Variants in SCRG1 observed in about 807,000 individuals in gnomAD.
The protein encoded by SCRG1 is stimulator of chondrogenesis 1.
Under a neutral mutation model 7.7 loss-of-function variants are expected in SCRG1, and 3 were observed. That is an observed-to-expected ratio of 0.39 (90% CI 0.18 to 1.01). SCRG1 has a LOEUF of 1.01. Ranked by LOEUF, SCRG1 falls within the 50% of genes least tolerant of loss-of-function variation. The probability of loss-of-function intolerance (pLI) is 0.36; values close to 1 mark genes in which losing one functional copy is unlikely to be tolerated. For missense variants in SCRG1, 110 were observed against 117.2 expected, an observed-to-expected ratio of 0.94 and a Z score of 0.28; for synonymous variants, 46 against 41.2, an observed-to-expected ratio of 1.12 and a Z score of -0.44.
At chr4:173,420,032 A>G in the SCRG1 span, 1 of 639,876 alleles carries the variant, frequency 1.6e-6, no homozygotes, top group Non-Finnish European at 2.9e-6. Context: ...TGTATCACCA[A>G]GCATTTCTGA....
the SCRG1 span, among the ~76,000 whole-genome samples, chr4:173,490,536 G>T: frequency 2.6e-5 from 4 of 152,124 alleles, no homozygotes; most frequent in African/African-American, 9.7e-5. Context: ...CAGAAAGTTG[G>T]TCATATTAAT....
the SCRG1 span, among the ~76,000 whole-genome samples, chr4:173,478,153 G>A: frequency 1.2e-4 from 18 of 152,144 alleles, no homozygotes; most frequent in Non-Finnish European, 2.2e-4. Context: ...ACATAATTCC[G>A]ACTTAATATA....
chr4:173,388,581 G>A (rs570003949), intron 2 of SCRG1, among the ~76,000 whole-genome samples, 186 bp from the exon 3 acceptor site: 10 of 152,088 alleles, frequency 6.6e-5, no homozygotes, highest in Admixed American at 1.3e-4. Context: ...GAAGGTAATC[G>A]ATTTGTCTAC....
the SCRG1 span, among the ~76,000 whole-genome samples, chr4:173,491,548 C>T: frequency 6.6e-6 from 1 of 152,168 alleles, no homozygotes; most frequent in Non-Finnish European, 1.5e-5. Flanking sequence ...TATATTCAGT[C>T]TTATCTCTGC....
the SCRG1 span, among the ~76,000 whole-genome samples, chr4:173,411,400 G>A: frequency 6.6e-6 from 1 of 152,182 alleles, no homozygotes; most frequent in Non-Finnish European, 1.5e-5. Context: ...AGTAAATAAT[G>A]TTTTATTTGT....
In SCRG1 at chr4:173,388,278, A is replaced by T. The variant is rs1739299549; in HGVS notation, c.*63T>A. 1.8e-6 allele frequency: 2 copies of T among 1,127,100 alleles called. No individual in the cohort carries two copies. The highest frequency in any genetic ancestry group is 1.3e-5 in the South Asian group (1 of 74,480). The allele number at this position is 1,127,100 out of a possible 1,614,324, so 69.8% of individuals were successfully genotyped here. On this transcript the variant is annotated 3_prime_UTR_variant, in exon 3 of 3. Transcript: ENST00000296506. ...CTATATAGAAACTAGAAATGCAGTT[A>T]TACTGATGTAGTGCAGTTTGTGGGA... is the stretch of plus-strand genomic sequence containing the variant.
the SCRG1 span, among the ~76,000 whole-genome samples, chr4:173,456,025 G>A: frequency 6.6e-6 from 1 of 152,170 alleles, no homozygotes; most frequent in African/African-American, 2.4e-5. Flanking sequence ...AGGGGGTCAA[G>A]GGGAACCCGG....
chr4:173,416,880 G>A, the SCRG1 span, among the ~76,000 whole-genome samples: 1 of 148,560 alleles, frequency 6.7e-6, no homozygotes, highest in Non-Finnish European at 1.5e-5. Context: ...AGAACTCTCC[G>A]GATTTCATCA....
At chr4:173,437,708 T>G in the SCRG1 span, among the ~76,000 whole-genome samples, 10 of 152,230 alleles carry the variant, frequency 6.6e-5, no homozygotes, top group Non-Finnish European at 1.3e-4. Context: ...TCATATATGG[T>G]ATCTTTTAAG....
At chr4:173,484,226 A>C in the SCRG1 span, among the ~76,000 whole-genome samples, 1 of 83,080 alleles carries the variant, frequency 1.2e-5, no homozygotes, top group Non-Finnish European at 2.1e-5. Flanking sequence ...TATTATATAT[A>C]ATATATATTT....
chr4:173,432,714 G>A, the SCRG1 span, among the ~76,000 whole-genome samples: 30 of 152,100 alleles, frequency 2.0e-4, no homozygotes, highest in African/African-American at 7.3e-4. Flanking sequence ...AAAATGTATA[G>A]AAAGGGAGAG....
chr4:173,388,435 C>T (rs756523134), intron 2 of SCRG1, 40 bp from the exon 3 acceptor site: 3 of 1,392,226 alleles, frequency 2.2e-6, no homozygotes, highest in Admixed American at 1.7e-5. Context: ...CACCTTAAGG[C>T]TAAGATATTA....
the SCRG1 span, among the ~76,000 whole-genome samples, chr4:173,500,227 G>T: frequency 2.6e-5 from 4 of 152,190 alleles, no homozygotes; most frequent in Admixed American, 6.5e-5. Context: ...CCTGCGTCAC[G>T]GAAACAAGCC....
the SCRG1 span, among the ~76,000 whole-genome samples, chr4:173,466,552 A>G: frequency 6.6e-6 from 1 of 152,174 alleles, no homozygotes; most frequent in Admixed American, 6.5e-5. Flanking sequence ...ATTAGAGGCA[A>G]TGCTGGGTTT....
chr4:173,404,412 A>G (rs1739847943), exon 2 of SCRG1: 1 of 152,208 alleles, frequency 6.6e-6, no homozygotes, highest in Admixed American at 6.5e-5. Flanking sequence ...TCAGAAACTT[A>G]AAGCAGCTGA....
chr4:173,413,933 C>T, the SCRG1 span, among the ~76,000 whole-genome samples: 2 of 152,218 alleles, frequency 1.3e-5, no homozygotes, highest in East Asian at 1.9e-4. Flanking sequence ...TCCTTGTTCA[C>T]AAGCAACAAC....
chr4:173,466,709 AT>A, the SCRG1 span, among the ~76,000 whole-genome samples: 1 of 152,190 alleles, frequency 6.6e-6, no homozygotes, highest in African/African-American at 2.4e-5. Context: ...TGATAATGAC[AT>A]TTCAGCATTC....
chr4:173,490,670 C>G, the SCRG1 span, among the ~76,000 whole-genome samples: 1 of 152,146 alleles, frequency 6.6e-6, no homozygotes, highest in Non-Finnish European at 1.5e-5. Context: ...TGACTGTTTC[C>G]CCCTAGGCTT....
the SCRG1 span, among the ~76,000 whole-genome samples, chr4:173,424,199 A>G: frequency 3.9e-5 from 6 of 152,322 alleles, no homozygotes; most frequent in Admixed American, 2.6e-4. Flanking sequence ...GCAGACCACA[A>G]AAACTTCAGA....
Sources: gnomAD v4.1 joint callset for allele counts (sites outside exome capture counted in the v4.1 genomes callset) on GRCh38, gnomAD v4.1.1 for gene constraint, MANE v1.5 for transcripts, NCBI Gene and HGNC (gene_info 2026-07-23, HGNC 2026-07-21) for gene names.